The following KSR2 variants were observed in gnomAD, a reference collection of about 807,000 sequenced individuals.
KSR2 encodes the protein kinase suppressor of ras 2.
KSR2 carries 25 observed loss-of-function variants against 107.8 expected under a neutral mutation model. The observed-to-expected ratio is 0.23, with a 90% CI of 0.17 to 0.32. KSR2 has a LOEUF of 0.32. KSR2 is among the 10% of genes least tolerant of loss of function. The pLI, the probability that KSR2 is intolerant of heterozygous loss-of-function variation, is 1.00. For synonymous variants in KSR2, 480 were observed against 507.0 expected (o/e 0.95, Z 0.71); for missense variants, 887 against 1,268.9 (o/e 0.70, Z 4.57).
intron 3 of KSR2, among the ~76,000 whole-genome samples, chr12:117,796,156 TC>T (rs1890620568): frequency 6.6e-6 from 1 of 152,070 alleles, no homozygotes. Flanking sequence ...GCCTTGGAGC[TC>T]CTGGACTCAA....
chr12:117,866,896 G>A (rs776467174), intron 1 of KSR2, among the ~76,000 whole-genome samples: 7 of 152,062 alleles, frequency 4.6e-5, no homozygotes, highest in Admixed American at 6.5e-5. Context: ...AAGTATGATG[G>A]TGGTATCAAA....
At chr12:117,522,411 G>A (rs563411146) in intron 14 of KSR2, among the ~76,000 whole-genome samples, 1 of 152,118 alleles carries the variant, frequency 6.6e-6, no homozygotes, top group East Asian at 1.9e-4. Flanking sequence ...GAGAAGGCCA[G>A]GGGTGGGGAA....
chr12:117,821,271 T>C (rs1891553900), intron 3 of KSR2, among the ~76,000 whole-genome samples: 1 of 152,302 alleles, frequency 6.6e-6, no homozygotes. Context: ...AGGTTTTAAC[T>C]GCATGGGTCT....
intron 4 of KSR2, among the ~76,000 whole-genome samples, chr12:117,702,338 G>A (rs1886362917): frequency 1.3e-5 from 2 of 152,076 alleles, no homozygotes; most frequent in African/African-American, 2.4e-5. Context: ...ACGAGGGTGG[G>A]GACCATGTGT....
chr12:117,642,304 A>AG (rs1376118382), intron 5 of KSR2, among the ~76,000 whole-genome samples: 7 of 152,212 alleles, frequency 4.6e-5, no homozygotes, highest in African/African-American at 1.4e-4. Flanking sequence ...TGCCCATCAC[A>AG]GCGGGTGAGC....
intron 5 of KSR2, among the ~76,000 whole-genome samples, chr12:117,650,748 G>A (rs918879647): frequency 2.0e-5 from 3 of 152,148 alleles, no homozygotes; most frequent in African/African-American, 7.2e-5. Context: ...AAGCTGGTTG[G>A]CTGCTCCTAA....
At chr12:117,894,443 T>C (rs1894444360) in intron 1 of KSR2, among the ~76,000 whole-genome samples, 2 of 152,076 alleles carry the variant, frequency 1.3e-5, no homozygotes, top group African/African-American at 4.8e-5. Flanking sequence ...GGTGGCAGGA[T>C]TACTTGAGGC....
intron 7 of KSR2, among the ~76,000 whole-genome samples, chr12:117,575,640 A>C (rs1362055492): frequency 9.2e-5 from 14 of 152,228 alleles, no homozygotes; most frequent in Admixed American, 9.2e-4. Context: ...GCATGCTCAT[A>C]ATTATGTACT....
At chr12:117,953,108 T>C (rs569387295) in intron 1 of KSR2, among the ~76,000 whole-genome samples, 3 of 152,172 alleles carry the variant, frequency 2.0e-5, no homozygotes, top group South Asian at 2.1e-4. Flanking sequence ...TCATTAGTCA[T>C]TAGGGAAATG....
Position 117,871,744 on chromosome 12 carries a change from G to A in KSR2, c.181-11313C>T, listed in dbSNP as rs369449222. On this transcript the variant is annotated intron_variant, in intron 1 of 19. Transcript: ENST00000339824. ...GAGAGAGAAAAGAGAAAAAAGGCTG[G>A]CAACTGCATCTCTGGGTTATGATAG... Among the ~76,000 whole-genome samples the A allele has an allele frequency of 6.6e-4, 101 of 152,040 alleles. 2 individuals carry two copies. The South Asian group carries it at 0.019, about 29-fold the overall frequency.
intron 4 of KSR2, among the ~76,000 whole-genome samples, chr12:117,710,914 C>T (rs963145857): frequency 5.3e-5 from 8 of 152,074 alleles, no homozygotes; most frequent in African/African-American, 9.7e-5. Context: ...TTGCACATGC[C>T]GTTCCCTCTG....
At chr12:117,889,805 A>T (rs1894286030) in intron 1 of KSR2, 1 of 152,222 alleles carries the variant, frequency 6.6e-6, no homozygotes, top group Non-Finnish European at 1.5e-5. Context: ...CACAACTTGG[A>T]AGATGGGGAG....
intron 5 of KSR2, among the ~76,000 whole-genome samples, chr12:117,647,912 T>C (rs972435050): frequency 6.6e-6 from 1 of 152,094 alleles, no homozygotes; most frequent in African/African-American, 2.4e-5. Context: ...TCTCAGCACA[T>C]TGCCCAGGCT....
At chr12:117,945,669 G>A (rs1020616785) in intron 1 of KSR2, among the ~76,000 whole-genome samples, 8 of 152,006 alleles carry the variant, frequency 5.3e-5, no homozygotes, top group African/African-American at 7.3e-5. Context: ...GTGAGACTCC[G>A]TCTCCAAAAA....
intron 4 of KSR2, among the ~76,000 whole-genome samples, chr12:117,732,636 C>A (rs552441536): frequency 6.6e-6 from 1 of 152,220 alleles, no homozygotes; most frequent in South Asian, 2.1e-4. Context: ...CACCTGCTCT[C>A]CTTGAAGCTT....
Position 117,905,659 on chromosome 12 carries a change from C to T in KSR2, c.181-45228G>A, listed in dbSNP as rs79352774. Among the ~76,000 whole-genome samples the T allele has an allele frequency of 3.5e-3, 532 of 152,230 alleles. 20 individuals are homozygous for T. The East Asian group carries it at 0.08, about 23-fold the overall frequency. On this transcript the variant is annotated intron_variant, in intron 1 of 19. Coordinates refer to ENST00000339824, the MANE Select transcript of KSR2 (RefSeq NM_173598.6). ...TGATTGTATCTGCTTCCCTGAAGGA[C>T]AGTGTGGTGCAGCAGGAGAAAACAC...
chr12:117,826,144 A>AGAATGAAT (rs139068727), intron 3 of KSR2, among the ~76,000 whole-genome samples: 93 of 151,086 alleles, frequency 6.2e-4, no homozygotes, highest in African/African-American at 1.4e-3. Flanking sequence ...AGATGGAGGA[A>AGAATGAAT]GAATGAATGA....
At chr12:117,827,357 C>T (rs1422048564) in intron 3 of KSR2, among the ~76,000 whole-genome samples, 1 of 151,706 alleles carries the variant, frequency 6.6e-6, no homozygotes, top group African/African-American at 2.4e-5. Flanking sequence ...ACATGTCCTG[C>T]CTCTAAAATC....
intron 3 of KSR2, among the ~76,000 whole-genome samples, chr12:117,783,756 T>C (rs1889966054): frequency 2.0e-5 from 3 of 152,200 alleles, no homozygotes. Flanking sequence ...GAGTAAACAC[T>C]TCAGAGTATC....
Sources: gnomAD v4.1 joint callset for allele counts (sites outside exome capture counted in the v4.1 genomes callset) on GRCh38, gnomAD v4.1.1 for gene constraint, MANE v1.5 for transcripts, NCBI Gene and HGNC (gene_info 2026-07-23, HGNC 2026-07-21) for gene names.